Variants in APBB2 observed in about 807,000 individuals in gnomAD.
APBB2 encodes the protein Fe65-like 1.
APBB2 carries 38 observed loss-of-function variants against 82.5 expected under a neutral mutation model. The observed-to-expected ratio is 0.46, with a 90% CI of 0.36 to 0.60. The LOEUF (loss-of-function observed/expected upper bound fraction) is 0.60, where lower values mean the gene tolerates loss of function less well. Among genes scored for constraint, APBB2 ranks in the 20% least tolerant of loss-of-function variants. The probability of loss-of-function intolerance (pLI) is 0.00; values close to 1 mark genes in which losing one functional copy is unlikely to be tolerated. For synonymous variants in APBB2, 341 were observed against 368.2 expected (o/e 0.93, Z 0.85); for missense variants, 772 against 972.3 (o/e 0.79, Z 2.74).
chr4:40,940,156 G>A (rs1325040042), intron 7 of APBB2, among the ~76,000 whole-genome samples: 2 of 152,162 alleles, frequency 1.3e-5, no homozygotes, highest in Non-Finnish European at 2.9e-5. Context: ...ACATACCACA[G>A]GTAACAACAC....
chr4:40,849,419 T>C (rs1319837447), intron 12 of APBB2, among the ~76,000 whole-genome samples: 2 of 152,236 alleles, frequency 1.3e-5, no homozygotes, highest in Non-Finnish European at 2.9e-5. Flanking sequence ...AAATAGCTCC[T>C]CTGCTCCTGA....
intron 12 of APBB2, among the ~76,000 whole-genome samples, chr4:40,846,024 GTGTGTGTGTGT>G (rs1483371032): frequency 3.3e-4 from 6 of 18,174 alleles, no homozygotes; most frequent in Non-Finnish European, 7.6e-4. Flanking sequence ...GGGTGTGTGT[GTGTGTGTGTGT>G]GTGTGTGTGT....
intron 4 of APBB2, among the ~76,000 whole-genome samples, chr4:41,048,156 C>A (rs1171407063): frequency 6.6e-6 from 1 of 152,170 alleles, no homozygotes; most frequent in East Asian, 1.9e-4. Context: ...AGTTGAGCAT[C>A]CCAAATCCAA....
intron 4 of APBB2, among the ~76,000 whole-genome samples, chr4:41,049,004 G>A (rs1156971407): frequency 1.3e-5 from 2 of 152,046 alleles, no homozygotes; most frequent in East Asian, 1.9e-4. Context: ...GCGTGATCTC[G>A]GCTAGCTACA....
intron 3 of APBB2, among the ~76,000 whole-genome samples, chr4:41,081,002 T>G (rs1048959479): frequency 3.3e-5 from 5 of 152,224 alleles, no homozygotes; most frequent in Admixed American, 2.6e-4. Flanking sequence ...TCCACCTGCC[T>G]CGGCCTGTAA....
chr4:41,044,964 T>C (rs1200405451), intron 4 of APBB2, among the ~76,000 whole-genome samples: 4 of 152,172 alleles, frequency 2.6e-5, no homozygotes, highest in Non-Finnish European at 5.9e-5. Context: ...GTATGTTGGA[T>C]CTGCTTTGTC....
At chr4:41,012,331 C>T (rs1808608039) in intron 6 of APBB2, among the ~76,000 whole-genome samples, 1 of 152,182 alleles carries the variant, frequency 6.6e-6, no homozygotes, top group Admixed American at 6.5e-5. Flanking sequence ...TAGATTCAAA[C>T]TCCAGCAGGT....
At chr4:41,070,430 C>A (rs1179143443) in intron 3 of APBB2, among the ~76,000 whole-genome samples, 1 of 151,992 alleles carries the variant, frequency 6.6e-6, no homozygotes, top group Non-Finnish European at 1.5e-5. Flanking sequence ...GTATCTCAGA[C>A]ACGCAAGTAG....
intron 2 of APBB2, among the ~76,000 whole-genome samples, chr4:41,106,559 C>T (rs923625331): frequency 1.3e-5 from 2 of 152,180 alleles, no homozygotes; most frequent in African/African-American, 2.4e-5. Context: ...TCACTGCAAG[C>T]TCCACCTCCC....
rs1390633014 is a variant in APBB2 at position 41,014,070 on chromosome 4, C to T, written c.348G>A (p.Gln116=). ...TGGGGCTCAGGTTTTTGTTGGGGTC[C>T]TGCTGCCCTTGCTCTGCAGCCTTAC... is the stretch of plus-strand genomic sequence containing the variant. The part of the protein sequence containing the change: ...QLRKAAEQGQ[Q]DPNKNLSPTA... Residue 116 remains glutamine (Q), a synonymous_variant, in exon 6 of 18, where the codon CAG becomes CAA. Transcript: ENST00000508593. 20 of 1,614,070 alleles carry T rather than the reference C, an allele frequency of 1.2e-5. No individual in the cohort carries two copies. Among genetic ancestry groups the T allele is most frequent in the Non-Finnish European group, 1.6e-5 (19 of 1,180,044 alleles).
At chr4:40,874,519 G>C (rs6447496) in intron 12 of APBB2, among the ~76,000 whole-genome samples, 38,552 of 152,020 alleles carry the variant, frequency 0.25, 5,254 homozygotes, top group Admixed American at 0.31. Context: ...GGGGCAGGGC[G>C]GGGGGTGGAG....
intron 4 of APBB2, among the ~76,000 whole-genome samples, chr4:41,052,773 C>T (rs111856277): frequency 3.5e-4 from 43 of 121,984 alleles, no homozygotes; most frequent in Non-Finnish European, 5.3e-4. Flanking sequence ...TTTCTTTCTT[C>T]TTTTTTTTTT....
At chr4:40,907,482 T>C (rs1252089839) in intron 10 of APBB2, among the ~76,000 whole-genome samples, 1 of 149,754 alleles carries the variant, frequency 6.7e-6, no homozygotes, top group Non-Finnish European at 1.5e-5. Flanking sequence ...GCAATGATCC[T>C]GTCTCAGCCT....
chr4:41,013,420 A>C (rs1808932162), intron 6 of APBB2, among the ~76,000 whole-genome samples, 163 bp downstream of exon 6: 1 of 152,236 alleles, frequency 6.6e-6, no homozygotes, highest in South Asian at 2.1e-4. Flanking sequence ...ATGGTTGAGG[A>C]ATGCAGTAAT....
At chr4:40,925,798 T>C (rs1233006631) in intron 10 of APBB2, among the ~76,000 whole-genome samples, 1 of 152,330 alleles carries the variant, frequency 6.6e-6, no homozygotes, top group South Asian at 2.1e-4. Flanking sequence ...ATCTAGTCAG[T>C]AGCTGCTAAT....
intron 12 of APBB2, among the ~76,000 whole-genome samples, chr4:40,887,712 G>A (rs1770726939): frequency 6.6e-6 from 1 of 152,188 alleles, no homozygotes; most frequent in South Asian, 2.1e-4. Context: ...GCTGAAGGCA[G>A]CCACAACCCC....
At chr4:40,994,683 ACATGCCT>A (rs1292247105) in intron 6 of APBB2, among the ~76,000 whole-genome samples, 1 of 151,508 alleles carries the variant, frequency 6.6e-6, no homozygotes, top group East Asian at 2.0e-4. Flanking sequence ...GCGTGGTGGC[ACATGCCT>A]ATAGTCCCAG....
chr4:40,900,059 CA>C (rs1774828982), intron 10 of APBB2, among the ~76,000 whole-genome samples: 3 of 152,192 alleles, frequency 2.0e-5, no homozygotes, highest in African/African-American at 7.2e-5. Context: ...GGTACCAGAA[CA>C]TATAACAACG....
At position 41,064,831 on chromosome 4, in the gene APBB2, T is replaced by A. The variant is rs115227574; in HGVS notation, c.-51+745A>T. On this transcript the variant is annotated intron_variant, in intron 4 of 17. Coordinates refer to ENST00000508593, the MANE Select transcript of APBB2 (RefSeq NM_004307.2). ...CCCTAATACATATTAAACAGAGACA[T>A]ACCCAGGGGACCTCTCTTCTGGGTC... 4.2e-3 allele frequency among the ~76,000 whole-genome samples: 647 copies of A among 152,242 alleles called. 8 individuals are homozygous for A. Among genetic ancestry groups the A allele is most frequent in the African/African-American group, 0.015 (626 of 41,546 alleles).
Sources: gnomAD v4.1 joint callset for allele counts (sites outside exome capture counted in the v4.1 genomes callset) on GRCh38, gnomAD v4.1.1 for gene constraint, MANE v1.5 for transcripts, NCBI Gene and HGNC (gene_info 2026-07-23, HGNC 2026-07-21) for gene names.